The following PCDH15 variants were observed in gnomAD, a reference collection of about 807,000 sequenced individuals.
PCDH15 encodes protocadherin-15.
In PCDH15, 129 loss-of-function variants were observed where a neutral mutation model predicts 178.5. That is an observed-to-expected ratio of 0.72 (90% CI 0.63 to 0.84). The LOEUF is 0.84. PCDH15 is among the 40% of genes least tolerant of loss of function. The probability of loss-of-function intolerance (pLI) is 0.00; values close to 1 mark genes in which losing one functional copy is unlikely to be tolerated. For synonymous variants in PCDH15, 800 were observed against 732.0 expected, an observed-to-expected ratio of 1.09 and a Z score of -1.50; for missense variants, 2,230 against 2,099.9, an observed-to-expected ratio of 1.06 and a Z score of -1.21.
chr10:54,366,747 T>A (rs753180979), intron 5 of PCDH15, among the ~76,000 whole-genome samples: 3 of 150,930 alleles, frequency 2.0e-5, no homozygotes, highest in Non-Finnish European at 1.5e-5. Context: ...ATATAAAGAG[T>A]ATGGGCAAAA....
chr10:55,316,500 T>A, intron 1 of PCDH15, among the ~76,000 whole-genome samples: 1 of 152,174 alleles, frequency 6.6e-6, no homozygotes, highest in East Asian at 1.9e-4. Context: ...TAATAATATT[T>A]ATAAAATTAT....
At chr10:53,892,020 G>GTTTTTT (rs869122093) in intron 26 of PCDH15, among the ~76,000 whole-genome samples, 4 of 91,874 alleles carry the variant, frequency 4.4e-5, no homozygotes, top group African/African-American at 1.7e-4. Context: ...TTACATCTAT[G>GTTTTTT]TTTTTTTTTT....
intron 28 of PCDH15, among the ~76,000 whole-genome samples, chr10:53,844,732 A>G (rs1473192147): frequency 6.6e-6 from 1 of 152,058 alleles, no homozygotes; most frequent in Non-Finnish European, 1.5e-5. Context: ...ATCCACTCAA[A>G]ATGGATTAAA....
intron 2 of PCDH15, among the ~76,000 whole-genome samples, chr10:54,900,904 C>A (rs778728362): frequency 9.2e-5 from 14 of 152,064 alleles, no homozygotes; most frequent in Admixed American, 2.0e-4. Context: ...GGTCAACAGG[C>A]AATGTTCAGA....
chr10:54,489,651 A>G (rs2079405370), intron 3 of PCDH15, among the ~76,000 whole-genome samples: 1 of 152,172 alleles, frequency 6.6e-6, no homozygotes, highest in Non-Finnish European at 1.5e-5. Flanking sequence ...GTACATATAC[A>G]TATTCTGGAG....
intron 21 of PCDH15, among the ~76,000 whole-genome samples, chr10:53,966,772 T>G (rs954263154): frequency 6.6e-6 from 1 of 151,870 alleles, no homozygotes; most frequent in Non-Finnish European, 1.5e-5. Context: ...GATCGAAGTA[T>G]TCTAATGTAT....
chr10:54,761,649 C>T (rs1202553514), intron 1 of PCDH15, among the ~76,000 whole-genome samples: 1 of 151,094 alleles, frequency 6.6e-6, no homozygotes, highest in East Asian at 2.0e-4. Context: ...TGCCACTGCA[C>T]TCCAGCCTGG....
chr10:54,021,450 T>A (rs550980658), intron 19 of PCDH15, among the ~76,000 whole-genome samples: 2 of 152,166 alleles, frequency 1.3e-5, no homozygotes, highest in East Asian at 3.9e-4. Flanking sequence ...CCCTGGTTTT[T>A]AATTCAATTT....
chr10:53,988,508 C>T (rs4935481), intron 21 of PCDH15, among the ~76,000 whole-genome samples: 49,238 of 151,946 alleles, frequency 0.32, 9,882 homozygotes, highest in East Asian at 0.62. Context: ...TGTAGGGCTA[C>T]GGTCCAAACA....
At chr10:55,249,372 C>A (rs1339358715) in intron 1 of PCDH15, among the ~76,000 whole-genome samples, 1 of 152,110 alleles carries the variant, frequency 6.6e-6, no homozygotes, top group Non-Finnish European at 1.5e-5. Context: ...AGTAAAAGCA[C>A]TAGTTATAGA....
At chr10:54,449,341 G>C (rs761177877) in intron 3 of PCDH15, among the ~76,000 whole-genome samples, 5 of 151,674 alleles carry the variant, frequency 3.3e-5, no homozygotes, top group Non-Finnish European at 7.4e-5. Context: ...GTGTAGAGTT[G>C]CCTAGTATTC....
chr10:53,821,347 A>T, intron 32 of PCDH15: 1 of 991,100 alleles, frequency 1.0e-6, no homozygotes, highest in Non-Finnish European at 1.2e-6. Flanking sequence ...CATCTCCTAC[A>T]ATCTAGGTAC....
chr10:55,402,917 A>G (rs1186877264), intron 2 of PCDH15, among the ~76,000 whole-genome samples: 2 of 151,946 alleles, frequency 1.3e-5, no homozygotes, highest in Non-Finnish European at 2.9e-5. Context: ...CCATTATGGT[A>G]GTACTGATTC....
At chr10:54,516,723 C>A (rs1210010299) in intron 3 of PCDH15, among the ~76,000 whole-genome samples, 2 of 151,436 alleles carry the variant, frequency 1.3e-5, no homozygotes, top group African/African-American at 4.8e-5. Context: ...CACAAAGATA[C>A]TCCTCGAGAA....
chr10:54,063,440 T>C (rs938846272), intron 18 of PCDH15, among the ~76,000 whole-genome samples: 2 of 152,194 alleles, frequency 1.3e-5, no homozygotes, highest in African/African-American at 2.4e-5. Context: ...GCCCCTGTTA[T>C]AGACTTTATT....
intron 3 of PCDH15, among the ~76,000 whole-genome samples, chr10:54,443,424 A>T (rs1261378241): frequency 6.6e-6 from 1 of 151,468 alleles, no homozygotes; most frequent in African/African-American, 2.4e-5. Context: ...ATAAACATCT[A>T]TGTGCCAGAA....
chr10:54,223,923 C>T (rs1301919941), intron 9 of PCDH15, among the ~76,000 whole-genome samples: 2 of 152,174 alleles, frequency 1.3e-5, no homozygotes, highest in East Asian at 1.9e-4. Flanking sequence ...CTTAAGTTCA[C>T]CTCTGTATTT....
chr10:54,446,651 G>A (rs2076156849), intron 3 of PCDH15, among the ~76,000 whole-genome samples: 2 of 151,376 alleles, frequency 1.3e-5, no homozygotes. Context: ...TTGTGGAATG[G>A]CTAAATCAAG....
chr10:55,322,300 A>G (rs1185843125), upstream of PCDH15, among the ~76,000 whole-genome samples: 1 of 152,050 alleles, frequency 6.6e-6, no homozygotes, highest in Non-Finnish European at 1.5e-5. Context: ...AGTCCATTAA[A>G]CCTCTTTCCT....
Sources: gnomAD v4.1 joint callset for allele counts (sites outside exome capture counted in the v4.1 genomes callset) on GRCh38, gnomAD v4.1.1 for gene constraint, MANE v1.5 for transcripts, NCBI Gene and HGNC (gene_info 2026-07-23, HGNC 2026-07-21) for gene names.